TMPRSS15: variants seen among roughly 807,000 people sequenced by gnomAD.
TMPRSS15 encodes transmembrane serine protease 15, also known as enteropeptidase.
In TMPRSS15, 128 loss-of-function variants were observed where a neutral mutation model predicts 125.3. The ratio of observed to expected loss-of-function variants is 1.02; its 90% CI spans 0.89 to 1.18. TMPRSS15 has a LOEUF of 1.18. Among genes scored for constraint, TMPRSS15 ranks in the 50% most tolerant of loss-of-function variants. The pLI is 0.00. For missense variants in TMPRSS15, 1,283 were observed against 1,212.7 expected, an observed-to-expected ratio of 1.06 and a Z score of -0.86; for synonymous variants, 446 against 423.2, an observed-to-expected ratio of 1.05 and a Z score of -0.66.
At chr21:18,310,816 C>T (rs978753834) in intron 18 of TMPRSS15, among the ~76,000 whole-genome samples, 23 of 151,954 alleles carry the variant, frequency 1.5e-4, no homozygotes, top group African/African-American at 5.5e-4. Context: ...TCAAAATATT[C>T]TACAAAATTA....
intron 1 of TMPRSS15, among the ~76,000 whole-genome samples, chr21:18,418,431 C>T (rs11088678): frequency 0.19 from 29,210 of 152,150 alleles, 3,508 homozygotes; most frequent in East Asian, 0.46. Context: ...GTAGAAGCGA[C>T]AGTGGCCATA....
At chr21:18,361,849 T>C (rs1001574941) in intron 7 of TMPRSS15, among the ~76,000 whole-genome samples, 3 of 150,016 alleles carry the variant, frequency 2.0e-5, no homozygotes, top group African/African-American at 7.4e-5. Context: ...GTGTTTGCTG[T>C]AAGGGAGATA....
At chr21:18,364,097 T>C (rs1164098467) in intron 7 of TMPRSS15, among the ~76,000 whole-genome samples, 1 of 152,132 alleles carries the variant, frequency 6.6e-6, no homozygotes, top group East Asian at 1.9e-4. Context: ...TTTCATACTG[T>C]TTGGCAAGAA....
chr21:18,282,679 C>G (rs539193673), intron 21 of TMPRSS15, among the ~76,000 whole-genome samples: 1 of 152,192 alleles, frequency 6.6e-6, no homozygotes, highest in South Asian at 2.1e-4. Context: ...CAAAATACTA[C>G]TTGGTGCCAA....
intron 1 of TMPRSS15, among the ~76,000 whole-genome samples, chr21:18,422,227 C>T (rs2076193775): frequency 1.3e-5 from 2 of 152,086 alleles, no homozygotes; most frequent in South Asian, 4.1e-4. Flanking sequence ...CTCAGGCGAG[C>T]CACCCTCCTC....
intron 1 of TMPRSS15, among the ~76,000 whole-genome samples, chr21:18,427,506 G>T (rs2076205462): frequency 6.6e-6 from 1 of 152,142 alleles, no homozygotes; most frequent in East Asian, 1.9e-4. Flanking sequence ...TGAATAAAAA[G>T]CTATTTATTT....
intron 1 of TMPRSS15, among the ~76,000 whole-genome samples, chr21:18,441,662 A>G (rs1242540661): frequency 7.3e-5 from 1 of 13,680 alleles, no homozygotes; most frequent in Non-Finnish European, 1.4e-4. Flanking sequence ...TTTAGGACAC[A>G]TTATTATTAT....
intron 7 of TMPRSS15, among the ~76,000 whole-genome samples, chr21:18,363,754 A>G (rs2075699452): frequency 6.6e-6 from 1 of 152,116 alleles, no homozygotes; most frequent in Non-Finnish European, 1.5e-5. Flanking sequence ...AATGCTTTAT[A>G]TAGATATATA....
chr21:18,343,474 T>A (rs2075470455), intron 12 of TMPRSS15, 32 bp downstream of exon 12: 1 of 1,539,964 alleles, frequency 6.5e-7, no homozygotes, highest in African/African-American at 1.4e-5. Flanking sequence ...ACAAAAAGGA[T>A]ACAAATATAA....
chr21:18,469,509 C>A (rs1156954074), intron 1 of TMPRSS15, among the ~76,000 whole-genome samples: 1 of 152,034 alleles, frequency 6.6e-6, no homozygotes, highest in Non-Finnish European at 1.5e-5. Flanking sequence ...ATTCTAGAAG[C>A]TTTGTAGTAA....
In TMPRSS15 at chr21:18,278,986, A is replaced by T. The variant is rs1431014861; in HGVS notation, c.2742T>A (p.Gly914=). Residue 914 remains glycine, a synonymous_variant, in exon 23 of 25, where the codon GGT becomes GGA. Transcript: ENST00000284885. ...TACCTTGATATACAACCGTCCCCCA[A>T]CCAGCAATAGAACAATTTCTTCCTG... ...FPPGRNCSIA[G]WGTVVYQGTT... 6.5e-7 allele frequency: 1 copy of T among 1,536,060 alleles called. No individual in the cohort carries two copies.
chr21:18,370,693 G>C (rs2075783786), intron 6 of TMPRSS15, among the ~76,000 whole-genome samples: 1 of 152,042 alleles, frequency 6.6e-6, no homozygotes, highest in Non-Finnish European at 1.5e-5. Context: ...AACTTTAAAG[G>C]TCTGAATTTT....
intron 1 of TMPRSS15, among the ~76,000 whole-genome samples, chr21:18,459,420 C>T (rs151300835): frequency 2.6e-4 from 39 of 152,110 alleles, no homozygotes; most frequent in Admixed American, 6.6e-4. Context: ...ACTGCAGAGG[C>T]GCACCATCAT....
At chr21:18,357,919 TCA>T (rs1406461523) in intron 8 of TMPRSS15, among the ~76,000 whole-genome samples, 1 of 151,724 alleles carries the variant, frequency 6.6e-6, no homozygotes, top group African/African-American at 2.4e-5. Context: ...ATACACTTTC[TCA>T]CATTTTTAGA....
rs2074534831 is a variant in TMPRSS15, at chr21:18,270,009, A to T, written c.3020T>A (p.Val1007Asp). 3.7e-6 allele frequency: 6 copies of T among 1,613,836 alleles called. No individual in the cohort carries two copies. The highest frequency in any genetic ancestry group is 4.2e-6 in the Non-Finnish European group (5 of 1,179,854). ...LPNRPGVYARVSRFTEWIQSF... is the reference protein window; with the variant it reads ...LPNRPGVYARDSRFTEWIQSF... ...TTGTATCCATTCGGTAAACCTTGAG[A>T]CCCTGGCATACACTCCGGGGCGATT... is the stretch of plus-strand genomic sequence containing the variant. The change falls in exon 25 of 25, where the codon GTC (valine) becomes GAC (aspartate). Residue 1007 changes from valine to aspartate, a missense_variant. Physicochemically the swap from Val to Asp is radical, Grantham distance 152. Coordinates refer to ENST00000284885, the MANE Select transcript of TMPRSS15 (RefSeq NM_002772.3).
chr21:18,313,669 G>A (rs2075126617), intron 17 of TMPRSS15, among the ~76,000 whole-genome samples: 1 of 151,760 alleles, frequency 6.6e-6, no homozygotes, highest in South Asian at 2.1e-4. Flanking sequence ...AGAGCATGAT[G>A]GAAGGTCTAA....
chr21:18,462,203 G>T (rs1978563474), intron 1 of TMPRSS15, among the ~76,000 whole-genome samples: 1 of 152,022 alleles, frequency 6.6e-6, no homozygotes, highest in African/African-American at 2.4e-5. Flanking sequence ...GGTCTTTTGA[G>T]AAATAAAATC....
chr21:18,422,995 C>T (rs866226432), intron 1 of TMPRSS15, among the ~76,000 whole-genome samples: 5 of 152,146 alleles, frequency 3.3e-5, no homozygotes, highest in Admixed American at 1.3e-4. Context: ...CGCAGATTTC[C>T]TTCAGGTTCT....
At chr21:18,327,548 T>C (rs1180386800) in intron 15 of TMPRSS15, among the ~76,000 whole-genome samples, 1 of 152,142 alleles carries the variant, frequency 6.6e-6, no homozygotes, top group African/African-American at 2.4e-5. Flanking sequence ...GGTTGACTGA[T>C]GAAAAGGTTG....
Sources: allele counts gnomAD v4.1 joint callset (sites outside exome capture counted in the v4.1 genomes callset), GRCh38; gene constraint gnomAD v4.1.1; transcripts MANE v1.5; gene names NCBI Gene and HGNC (gene_info 2026-07-23, HGNC 2026-07-21).